POLN: variants seen among roughly 807,000 people sequenced by gnomAD.
POLN encodes DNA polymerase nu.
Under a neutral mutation model 113.5 loss-of-function variants are expected in POLN, and 108 were observed. The ratio of observed to expected loss-of-function variants is 0.95; its 90% CI spans 0.81 to 1.12. The LOEUF (loss-of-function observed/expected upper bound fraction) is 1.12, where lower values mean the gene tolerates loss of function less well. POLN is among the 50% of genes most tolerant of loss of function. The probability of loss-of-function intolerance (pLI) is 0.00; values close to 1 mark genes in which losing one functional copy is unlikely to be tolerated. For missense variants in POLN, 1,097 were observed against 1,077.1 expected (o/e 1.02, Z -0.26); for synonymous variants, 386 against 391.5 (o/e 0.99, Z 0.17).
chr4:2,072,696 G>T lies in POLN; in HGVS notation c.2517+272C>A, dbSNP rs190677012. 7.9e-5 allele frequency among the ~76,000 whole-genome samples: 12 copies of T among 152,284 alleles called. No individual in the cohort carries two copies. The East Asian group carries it at 2.3e-3, about 30-fold the overall frequency. On this transcript the variant is annotated intron_variant, in intron 25 of 25. Transcript: ENST00000511885. ...AGAGGCCAGGAGAGCCCTCCCGGGGGTCCCTGACCTTGAGTGGACCAAGCC... is the reference window on the plus strand; with the variant it reads ...AGAGGCCAGGAGAGCCCTCCCGGGGTTCCCTGACCTTGAGTGGACCAAGCC...
At chr4:2,224,710 G>T (rs1252648932) in intron 3 of POLN, among the ~76,000 whole-genome samples, 2 of 152,092 alleles carry the variant, frequency 1.3e-5, no homozygotes, top group African/African-American at 4.8e-5. Context: ...CAGCACTTTG[G>T]GAGGCCGAGG....
chr4:2,073,475 G>A (rs552549685), intron 24 of POLN, among the ~76,000 whole-genome samples: 12 of 152,368 alleles, frequency 7.9e-5, no homozygotes, highest in African/African-American at 2.6e-4. Flanking sequence ...GAGCCACCAG[G>A]CACACAAGAA....
chr4:2,224,614 C>T (rs1734339359), intron 3 of POLN, among the ~76,000 whole-genome samples: 1 of 152,104 alleles, frequency 6.6e-6, no homozygotes, highest in Admixed American at 6.6e-5. Flanking sequence ...TACTTTTATA[C>T]ACCTGGTAGT....
At position 2,167,454 on chromosome 4, in the gene POLN, A is replaced by G. The variant is rs571991820; in HGVS notation, c.1554+3225T>C. Reference sequence around the variant, plus strand: ...ACTATACCCCAGCAGGAGTGAGTGGACCAGCTAGGTACCACAGGACTCTAA... The same window carrying G: ...ACTATACCCCAGCAGGAGTGAGTGGGCCAGCTAGGTACCACAGGACTCTAA... On this transcript the variant is annotated intron_variant, in intron 13 of 25. Coordinates refer to ENST00000511885, the MANE Select transcript of POLN (RefSeq NM_181808.4). Among the ~76,000 whole-genome samples, 5 of 152,288 alleles carry G rather than the reference A, an allele frequency of 3.3e-5. No homozygotes were observed. In the East Asian group the frequency reaches 9.6e-4, roughly 29 times the overall value.
rs1245734817 is a variant in POLN, at chr4:2,241,659, C to G, written c.-152G>C. 3.0e-6 allele frequency: 3 copies of G among 985,366 alleles called. No homozygotes were observed. The African/African-American group carries it at 5.2e-5, about 17-fold the overall frequency. The allele number at this position is 985,366 out of a possible 1,614,324, so 61.0% of individuals were successfully genotyped here. A position where few individuals can be genotyped will look rare whatever the true frequency, so the allele number is the denominator to read the frequency against. On this transcript the variant is annotated 5_prime_UTR_variant, in exon 2 of 26. Coordinates refer to ENST00000511885, the MANE Select transcript of POLN (RefSeq NM_181808.4). ...TCAGCCAGCGCTGAGGCAGCCCCGA[C>G]GCCAGGGCCGCGCGAACCCCAGAGG...
chr4:2,084,082 G>A (rs1216987485), intron 21 of POLN, among the ~76,000 whole-genome samples: 2 of 152,160 alleles, frequency 1.3e-5, no homozygotes, highest in African/African-American at 4.8e-5. Context: ...ATGCTTCCTT[G>A]ACATCTCTTA....
At chr4:2,096,278 C>T (rs149521197) in intron 19 of POLN, among the ~76,000 whole-genome samples, 2 of 152,340 alleles carry the variant, frequency 1.3e-5, no homozygotes, top group East Asian at 1.9e-4. Context: ...GCCTGGGCCA[C>T]GTCTGTGTCT....
At chr4:2,150,619 G>A (rs1193778450) in intron 16 of POLN, among the ~76,000 whole-genome samples, 8 of 151,914 alleles carry the variant, frequency 5.3e-5, no homozygotes, top group Non-Finnish European at 8.8e-5. Flanking sequence ...TAAAGACAAC[G>A]CACTGCTGGC....
At chr4:2,219,666 C>T (rs763808573) in intron 3 of POLN, among the ~76,000 whole-genome samples, 24 of 152,294 alleles carry the variant, frequency 1.6e-4, no homozygotes, top group Admixed American at 8.5e-4. Flanking sequence ...GCATCCAGAG[C>T]GCCCTTCTGC....
intron 16 of POLN, among the ~76,000 whole-genome samples, chr4:2,150,112 A>T (rs368890223): frequency 1.3e-5 from 2 of 152,090 alleles, no homozygotes; most frequent in South Asian, 2.1e-4. Context: ...AAAAACAAAA[A>T]ACAAAACAAA....
At chr4:2,149,476 A>T (rs1165920580) in intron 16 of POLN, among the ~76,000 whole-genome samples, 8 of 152,214 alleles carry the variant, frequency 5.3e-5, no homozygotes, top group Admixed American at 4.6e-4. Context: ...GCCAAAAAGA[A>T]ACCTGGTTGT....
Position 2,072,112 on chromosome 4 carries a change from G to T in POLN, c.*2C>A, listed in dbSNP as rs1165485932. On this transcript the variant is annotated 3_prime_UTR_variant, in exon 26 of 26. Coordinates refer to ENST00000511885, the MANE Select transcript of POLN (RefSeq NM_181808.4). ...GTTCTCTCCTCCCACTGTTGCCTGGGGCTACAGACAAAATGAAGGCGAAAA... is the reference window on the plus strand; with the variant it reads ...GTTCTCTCCTCCCACTGTTGCCTGGTGCTACAGACAAAATGAAGGCGAAAA... The T allele has an allele frequency of 1.2e-6, 2 of 1,612,802 alleles. No homozygotes were observed. The highest frequency in any genetic ancestry group is 1.7e-6 in the Non-Finnish European group (2 of 1,179,846).
At chr4:2,186,652 C>T (rs986691477) in intron 7 of POLN, among the ~76,000 whole-genome samples, 1 of 152,104 alleles carries the variant, frequency 6.6e-6, no homozygotes, top group Non-Finnish European at 1.5e-5. Flanking sequence ...AAAACCAAAA[C>T]AAACCAGACA....
rs565374741 is a variant in POLN at position 2,078,518 on chromosome 4, T to C, written c.2387+2440A>G. 1.6e-4 allele frequency: 134 copies of C among 852,572 alleles called. 1 individual carries two copies. In the African/African-American group the frequency reaches 2.3e-3, roughly 15 times the overall value. 52.8% of individuals were successfully genotyped at this position (852,572 alleles called of 1,614,324 possible). A position where few individuals can be genotyped will look rare whatever the true frequency, so the allele number is the denominator to read the frequency against. On this transcript the variant is annotated intron_variant, in intron 23 of 25. Coordinates refer to ENST00000511885, the MANE Select transcript of POLN (RefSeq NM_181808.4). ...GACAGACTCTCGCTCTCGCCCAGGC[T>C]GGAGTGAAGTGGTGCGATCTCAGCT...
chr4:2,106,423 C>T (rs749792740), intron 19 of POLN, among the ~76,000 whole-genome samples: 18 of 152,180 alleles, frequency 1.2e-4, no homozygotes, highest in Non-Finnish European at 2.2e-4. Flanking sequence ...ACAATCATCT[C>T]GAAGAAGTCT....
chr4:2,089,412 C>T (rs1285418869), intron 20 of POLN: 2 of 1,382,520 alleles, frequency 1.4e-6, no homozygotes, highest in Non-Finnish European at 2.0e-6. Context: ...TGACAGATGA[C>T]TGGTTACAAA....
intron 3 of POLN, among the ~76,000 whole-genome samples, chr4:2,224,832 T>A (rs1734343990): frequency 6.6e-6 from 1 of 151,998 alleles, no homozygotes; most frequent in African/African-American, 2.4e-5. Context: ...GCACCTGTAA[T>A]GCCAGCTACT....
At chr4:2,238,460 T>G in intron 2 of POLN, 1 of 492,538 alleles carries the variant, frequency 2.0e-6, no homozygotes. Context: ...AAAAAAGGCA[T>G]ATGAAAATGG....
chr4:2,137,835 G>A (rs908790193), intron 16 of POLN, among the ~76,000 whole-genome samples: 11 of 151,832 alleles, frequency 7.2e-5, no homozygotes, highest in African/African-American at 1.9e-4. Flanking sequence ...GTGTTTCTTC[G>A]GTCGGGGGGC....
Sources: allele counts gnomAD v4.1 joint callset (sites outside exome capture counted in the v4.1 genomes callset), GRCh38; gene constraint gnomAD v4.1.1; transcripts MANE v1.5; gene names NCBI Gene and HGNC (gene_info 2026-07-23, HGNC 2026-07-21).